The following SKAP1 variants were observed in gnomAD, a reference collection of about 807,000 sequenced individuals.
The protein encoded by SKAP1 is src kinase-associated phosphoprotein 1.
Under a neutral mutation model 58.5 loss-of-function variants are expected in SKAP1, and 44 were observed. The ratio of observed to expected loss-of-function variants is 0.75; its 90% CI spans 0.59 to 0.97. The LOEUF is 0.97. SKAP1 is among the 50% of genes least tolerant of loss of function. The pLI is 0.00. For synonymous variants in SKAP1, 127 were observed against 149.7 expected (o/e 0.85, Z 1.11); for missense variants, 390 against 435.2 (o/e 0.90, Z 0.92).
intron 4 of SKAP1, among the ~76,000 whole-genome samples, chr17:48,197,097 A>G (rs2064644190): frequency 6.6e-6 from 1 of 152,126 alleles, no homozygotes; most frequent in Admixed American, 6.5e-5. Flanking sequence ...TCTTTACTAA[A>G]AATACAAAAA....
chr17:48,272,875 A>G (rs1271262584), intron 4 of SKAP1, among the ~76,000 whole-genome samples: 1 of 152,226 alleles, frequency 6.6e-6, no homozygotes, highest in African/African-American at 2.4e-5. Context: ...TCTTATTTTC[A>G]TAAATTTCAA....
chr17:48,209,676 T>C (rs2064848869), intron 4 of SKAP1, among the ~76,000 whole-genome samples: 2 of 152,236 alleles, frequency 1.3e-5, no homozygotes, highest in South Asian at 4.1e-4. Flanking sequence ...ACAGCACTGC[T>C]TCTCTAGAGG....
intron 4 of SKAP1, among the ~76,000 whole-genome samples, chr17:48,315,844 A>T (rs2144198536): frequency 6.6e-6 from 1 of 152,340 alleles, no homozygotes; most frequent in African/African-American, 2.4e-5. Flanking sequence ...CATATAAAGC[A>T]TATATGAAAC....
chr17:48,235,777 A>G (rs1047511163), intron 4 of SKAP1, among the ~76,000 whole-genome samples: 6 of 152,190 alleles, frequency 3.9e-5, no homozygotes, highest in African/African-American at 1.4e-4. Flanking sequence ...AACATCACCC[A>G]GAGGCAAGTC....
At chr17:48,148,221 G>T (rs1324654437) in intron 11 of SKAP1, among the ~76,000 whole-genome samples, 1 of 152,172 alleles carries the variant, frequency 6.6e-6, no homozygotes, top group Non-Finnish European at 1.5e-5. Context: ...CACAGAGTGG[G>T]TGTGTGCAAG....
chr17:48,183,657 G>A (rs1398192606), intron 7 of SKAP1, among the ~76,000 whole-genome samples: 1 of 152,000 alleles, frequency 6.6e-6, no homozygotes, highest in Non-Finnish European at 1.5e-5. Flanking sequence ...ACCTGGATGT[G>A]TTACTATCAG....
intron 7 of SKAP1, among the ~76,000 whole-genome samples, chr17:48,183,841 A>G (rs1259783213): frequency 1.3e-5 from 2 of 152,180 alleles, no homozygotes; most frequent in Non-Finnish European, 2.9e-5. Context: ...GTAGAAATAA[A>G]AAAGAAGAAT....
At chr17:48,318,867 G>GA (rs973348896) in intron 4 of SKAP1, among the ~76,000 whole-genome samples, 2 of 152,064 alleles carry the variant, frequency 1.3e-5, no homozygotes, top group Non-Finnish European at 2.9e-5. Flanking sequence ...TTGCTTCAGG[G>GA]AAAAACAATA....
chr17:48,250,894 T>C (rs1567838488), intron 4 of SKAP1, among the ~76,000 whole-genome samples: 1 of 152,118 alleles, frequency 6.6e-6, no homozygotes, highest in African/African-American at 2.4e-5. Flanking sequence ...AGGTGCCAAA[T>C]GGTAATAAAA....
chr17:48,322,138 G>A (rs951073721), intron 4 of SKAP1, among the ~76,000 whole-genome samples: 2 of 152,108 alleles, frequency 1.3e-5, no homozygotes, highest in Non-Finnish European at 2.9e-5. Flanking sequence ...AGTTTTTGTA[G>A]AATTTCCCAT....
At chr17:48,134,305 C>A (rs1484127331) in intron 12 of SKAP1, among the ~76,000 whole-genome samples, 3 of 151,880 alleles carry the variant, frequency 2.0e-5, no homozygotes, top group Non-Finnish European at 4.4e-5. Flanking sequence ...TTACCCAAAC[C>A]AAAAATGGTC....
At chr17:48,330,519 C>T (rs1342730513) in intron 4 of SKAP1, among the ~76,000 whole-genome samples, 2 of 152,164 alleles carry the variant, frequency 1.3e-5, no homozygotes, top group African/African-American at 4.8e-5. Flanking sequence ...CAAAACCAAA[C>T]AAACCACCAG....
intron 4 of SKAP1, among the ~76,000 whole-genome samples, chr17:48,297,348 T>C (rs955099053): frequency 1.3e-5 from 2 of 152,290 alleles, no homozygotes; most frequent in South Asian, 2.1e-4. Flanking sequence ...AATATATACA[T>C]TTACTAACAT....
chr17:48,152,071 T>C (rs1224400442), intron 11 of SKAP1, among the ~76,000 whole-genome samples: 2 of 152,224 alleles, frequency 1.3e-5, no homozygotes, highest in Non-Finnish European at 2.9e-5. Flanking sequence ...TATGTCAAGA[T>C]GAAAGTTTTT....
At chr17:48,365,470 C>T (rs2066990017) in intron 2 of SKAP1, among the ~76,000 whole-genome samples, 1 of 152,060 alleles carries the variant, frequency 6.6e-6, no homozygotes, top group South Asian at 2.1e-4. Flanking sequence ...CAACCTCTTC[C>T]TCTCAGTTTG....
At chr17:48,379,211 C>A (rs145481687) in intron 2 of SKAP1, among the ~76,000 whole-genome samples, 2 of 152,100 alleles carry the variant, frequency 1.3e-5, no homozygotes, top group African/African-American at 4.8e-5. Flanking sequence ...TCAAAAGACA[C>A]GACTGAATAC....
intron 2 of SKAP1, among the ~76,000 whole-genome samples, chr17:48,368,800 T>A (rs951184085): frequency 2.0e-5 from 3 of 152,214 alleles, no homozygotes; most frequent in Admixed American, 6.5e-5. Context: ...AATTTCACAA[T>A]ATTTTCTCTA....
At chr17:48,413,523 A>AAAAAAAAAAAAAAAAAAAAAATAT in intron 1 of SKAP1, among the ~76,000 whole-genome samples, 1 of 105,508 alleles carries the variant, frequency 9.5e-6, no homozygotes, top group African/African-American at 4.3e-5. Context: ...TCAAAAAAAA[A>AAAAAAAAAAAAAAAAAAAAAATAT]ATATATATAT....
chr17:48,285,484 G>A (rs888532873), intron 4 of SKAP1, among the ~76,000 whole-genome samples: 16 of 152,096 alleles, frequency 1.1e-4, no homozygotes, highest in African/African-American at 2.7e-4. Flanking sequence ...GCATGATGGC[G>A]TGTGCGTGTA....
Sources: gnomAD v4.1 joint callset for allele counts (sites outside exome capture counted in the v4.1 genomes callset) on GRCh38, gnomAD v4.1.1 for gene constraint, MANE v1.5 for transcripts, NCBI Gene and HGNC (gene_info 2026-07-23, HGNC 2026-07-21) for gene names.